The following NCAM2 variants were observed in gnomAD, a reference collection of about 807,000 sequenced individuals.
NCAM2 encodes the protein neural cell adhesion molecule 2.
Under a neutral mutation model 98.1 loss-of-function variants are expected in NCAM2, and 30 were observed. The observed-to-expected ratio is 0.31, with a 90% CI of 0.23 to 0.41. NCAM2 has a LOEUF of 0.41. NCAM2 is among the 10% of genes least tolerant of loss of function. The probability of loss-of-function intolerance (pLI) is 1.00; values close to 1 mark genes in which losing one functional copy is unlikely to be tolerated. For synonymous variants in NCAM2, 368 were observed against 342.4 expected, an observed-to-expected ratio of 1.07 and a Z score of -0.83; for missense variants, 867 against 1,005.8, an observed-to-expected ratio of 0.86 and a Z score of 1.87.
chr21:21,306,552 T>A (rs576487371), intron 5 of NCAM2, among the ~76,000 whole-genome samples: 1 of 152,236 alleles, frequency 6.6e-6, no homozygotes, highest in African/African-American at 2.4e-5. Flanking sequence ...AATTTTAACA[T>A]ATTTTAATTT....
intron 1 of NCAM2, among the ~76,000 whole-genome samples, chr21:21,100,175 T>C (rs7509933): frequency 0.35 from 52,949 of 151,754 alleles, 12,796 homozygotes; most frequent in African/African-American, 0.69. Context: ...GTTTGAGTTA[T>C]GAAGACCATC....
intron 1 of NCAM2, among the ~76,000 whole-genome samples, chr21:21,233,849 T>C (rs2070720698): frequency 6.6e-6 from 1 of 151,750 alleles, no homozygotes; most frequent in Non-Finnish European, 1.5e-5. Context: ...TGTTTGGTCT[T>C]AGAATAGAAG....
intron 5 of NCAM2, among the ~76,000 whole-genome samples, chr21:21,298,221 A>T (rs796443445): frequency 6.3e-4 from 96 of 151,934 alleles, no homozygotes; most frequent in African/African-American, 2.2e-3. Flanking sequence ...GCAGTGTTTT[A>T]GAATGTAAAG....
chr21:21,213,737 T>A (rs2069753619), intron 1 of NCAM2, among the ~76,000 whole-genome samples: 1 of 152,196 alleles, frequency 6.6e-6, no homozygotes, highest in African/African-American at 2.4e-5. Flanking sequence ...CATATGGATA[T>A]AACATCAACT....
At chr21:21,252,418 T>C (rs2071507881) in intron 1 of NCAM2, among the ~76,000 whole-genome samples, 1 of 150,546 alleles carries the variant, frequency 6.6e-6, no homozygotes, top group South Asian at 2.1e-4. Flanking sequence ...TTATATAAAA[T>C]ATAATCAATT....
intron 1 of NCAM2, among the ~76,000 whole-genome samples, chr21:21,075,472 A>G (rs1364344314): frequency 1.3e-5 from 2 of 152,076 alleles, no homozygotes; most frequent in East Asian, 1.9e-4. Context: ...ATGTTTTTAA[A>G]TTTTTCTTGG....
chr21:21,284,883 T>C (rs970447442), intron 3 of NCAM2, among the ~76,000 whole-genome samples: 4 of 151,648 alleles, frequency 2.6e-5, no homozygotes, highest in African/African-American at 9.7e-5. Flanking sequence ...TACCACTAAG[T>C]GTTTTTATTA....
intron 8 of NCAM2, among the ~76,000 whole-genome samples, chr21:21,360,924 C>A (rs1305267474): frequency 2.6e-5 from 4 of 152,024 alleles, no homozygotes; most frequent in Admixed American, 2.0e-4. Context: ...ATAACTACTT[C>A]ATAAATTTTT....
At chr21:21,142,525 T>C (rs4818603) in intron 1 of NCAM2, among the ~76,000 whole-genome samples, 65,553 of 150,976 alleles carry the variant, frequency 0.43, 14,758 homozygotes, top group African/African-American at 0.56. Context: ...ACTACAGGCG[T>C]CCGCCACCAG....
intron 9 of NCAM2, among the ~76,000 whole-genome samples, chr21:21,404,985 A>G (rs2076710402): frequency 6.6e-6 from 1 of 151,820 alleles, no homozygotes; most frequent in African/African-American, 2.4e-5. Flanking sequence ...GTAGTAACGC[A>G]TTTTACATTT....
At chr21:21,065,943 G>T (rs896576588) in intron 1 of NCAM2, among the ~76,000 whole-genome samples, 19 of 152,084 alleles carry the variant, frequency 1.2e-4, no homozygotes, top group Admixed American at 1.2e-3. Flanking sequence ...CCCAATGCAT[G>T]GTATGTGTAC....
chr21:21,177,192 T>G (rs1346910609), intron 1 of NCAM2, among the ~76,000 whole-genome samples: 1 of 152,112 alleles, frequency 6.6e-6, no homozygotes, highest in Non-Finnish European at 1.5e-5. Context: ...ATGAAAATCG[T>G]GTGTAGATCC....
chr21:21,391,819 AT>A (rs11284500), intron 9 of NCAM2, among the ~76,000 whole-genome samples: 152,273 of 152,274 alleles, frequency 1, 76,136 homozygotes, highest in Non-Finnish European at 1. Flanking sequence ...GGTACAAGTT[AT>A]TTTTATGATA....
chr21:21,104,301 T>C (rs983697605), intron 1 of NCAM2, among the ~76,000 whole-genome samples: 2 of 152,170 alleles, frequency 1.3e-5, no homozygotes, highest in African/African-American at 2.4e-5. Flanking sequence ...CATTAGTGTA[T>C]TGTATATATC....
chr21:21,516,916 T>G (rs1438286425), intron 16 of NCAM2, among the ~76,000 whole-genome samples: 1 of 152,192 alleles, frequency 6.6e-6, no homozygotes, highest in Non-Finnish European at 1.5e-5. Flanking sequence ...CAGTTCTCTT[T>G]CTTTATGTAT....
At chr21:21,035,508 A>G (rs932454905) in intron 1 of NCAM2, among the ~76,000 whole-genome samples, 7 of 152,202 alleles carry the variant, frequency 4.6e-5, no homozygotes, top group African/African-American at 1.7e-4. Flanking sequence ...TCAATGTTTT[A>G]AACAAAACAG....
intron 1 of NCAM2, among the ~76,000 whole-genome samples, chr21:21,248,645 C>T (rs1455318024): frequency 4.6e-5 from 7 of 151,466 alleles, no homozygotes; most frequent in African/African-American, 9.7e-5. Context: ...GGCGTGGTGG[C>T]GGGCGCCTGT....
At chr21:21,530,255 TA>T (rs1484825886) in intron 16 of NCAM2, among the ~76,000 whole-genome samples, 2 of 113,826 alleles carry the variant, frequency 1.8e-5, no homozygotes, top group Non-Finnish European at 3.7e-5. Context: ...TAATTATATA[TA>T]ATTTAATTTA....
At chr21:21,437,508 C>T (rs77255613) in intron 12 of NCAM2, among the ~76,000 whole-genome samples, 16,829 of 72,510 alleles carry the variant, frequency 0.23, 1,278 homozygotes, top group Non-Finnish European at 0.28. Context: ...GTGTTTCTAG[C>T]ACACCCTTTT....
Sources: allele counts gnomAD v4.1 joint callset (sites outside exome capture counted in the v4.1 genomes callset), GRCh38; gene constraint gnomAD v4.1.1; transcripts MANE v1.5; gene names NCBI Gene and HGNC (gene_info 2026-07-23, HGNC 2026-07-21).